TTLL5: variants seen among roughly 807,000 people sequenced by gnomAD.
TTLL5 encodes tubulin polyglutamylase TTLL5.
TTLL5 carries 132 observed loss-of-function variants against 168.4 expected under a neutral mutation model. The ratio of observed to expected loss-of-function variants is 0.78; its 90% confidence interval spans 0.68 to 0.91. The LOEUF (loss-of-function observed/expected upper bound fraction) is 0.91. Among genes scored for constraint, TTLL5 ranks in the 40% least tolerant of loss-of-function variants. TTLL5 has a pLI of 0.00. For missense variants in TTLL5, 1,545 were observed against 1,581.5 expected, an observed-to-expected ratio of 0.98 and a Z score of 0.39; for synonymous variants, 546 against 558.6, an observed-to-expected ratio of 0.98 and a Z score of 0.32.
chr14:75,759,837 A>G (rs945296254), intron 18 of TTLL5, among the ~76,000 whole-genome samples: 44 of 152,086 alleles, frequency 2.9e-4, no homozygotes, highest in African/African-American at 1.0e-3. Flanking sequence ...TTATGAGAAA[A>G]ACTCAGCAAA....
intron 27 of TTLL5, among the ~76,000 whole-genome samples, chr14:75,799,291 A>G (rs73311438): frequency 0.015 from 2,299 of 152,170 alleles, 57 homozygotes; most frequent in African/African-American, 0.052. Context: ...AAGAATAGCT[A>G]CTTCTGCTCA....
At chr14:75,723,752 A>C (rs1485492512) in intron 12 of TTLL5, among the ~76,000 whole-genome samples, 1 of 152,158 alleles carries the variant, frequency 6.6e-6, no homozygotes, top group Non-Finnish European at 1.5e-5. Context: ...AGTCCATTTC[A>C]TCAGCCATGG....
intron 24 of TTLL5, among the ~76,000 whole-genome samples, chr14:75,781,212 C>T (rs1318963988): frequency 6.6e-6 from 1 of 152,102 alleles, no homozygotes; most frequent in Non-Finnish European, 1.5e-5. Context: ...ACTGATAGGT[C>T]ATTCAAAATT....
intron 31 of TTLL5, among the ~76,000 whole-genome samples, chr14:75,943,649 G>GGT (rs1239271218): frequency 6.6e-6 from 1 of 152,084 alleles, no homozygotes; most frequent in Non-Finnish European, 1.5e-5. Flanking sequence ...AATTCCCACA[G>GGT]GTAAAGTTTT....
chr14:75,820,768 A>G lies in TTLL5; in HGVS notation c.3326+607A>G, dbSNP rs868239124. 15 of 153,006 alleles carry G rather than the reference A, an allele frequency of 9.8e-5. No homozygotes were observed. The Middle Eastern group carries it at 5.8e-3, about 59-fold the overall frequency. The allele number at this position is 153,006 out of a possible 1,614,324, so 9.5% of individuals were successfully genotyped here. ...ATTAAAAAAGAAACCACTGTATTGAATTCTGGTCTTGCTGTGTGTTTTAAT... is the reference window on the plus strand; with the variant it reads ...ATTAAAAAAGAAACCACTGTATTGAGTTCTGGTCTTGCTGTGTGTTTTAAT... On this transcript the variant is annotated intron_variant, in intron 28 of 31. Coordinates refer to ENST00000298832, the MANE Select transcript of TTLL5 (RefSeq NM_015072.5).
intron 6 of TTLL5, among the ~76,000 whole-genome samples, chr14:75,692,353 A>T (rs942327815): frequency 6.6e-6 from 1 of 152,076 alleles, no homozygotes; most frequent in Non-Finnish European, 1.5e-5. Context: ...ATGTTTTACT[A>T]TTTTATTTTT....
intron 9 of TTLL5, chr14:75,712,224 G>A (rs1887131757): frequency 6.6e-6 from 1 of 151,946 alleles, no homozygotes; most frequent in Non-Finnish European, 1.5e-5. Flanking sequence ...GTCAGGCCAG[G>A]ATGAAACCCA....
chr14:75,835,621 G>A (rs971913100), intron 28 of TTLL5: 3 of 152,080 alleles, frequency 2.0e-5, no homozygotes, highest in Non-Finnish European at 4.4e-5. Flanking sequence ...ACCCACAGAA[G>A]GGAGAAAATA....
intron 27 of TTLL5, among the ~76,000 whole-genome samples, chr14:75,807,495 G>T (rs1455188540): frequency 2.0e-5 from 3 of 152,212 alleles, no homozygotes; most frequent in Admixed American, 2.0e-4. Flanking sequence ...TTAAGCAGTT[G>T]ACATTAATCA....
At chr14:75,885,405 T>C (rs2032060890) in intron 30 of TTLL5, among the ~76,000 whole-genome samples, 1 of 151,556 alleles carries the variant, frequency 6.6e-6, no homozygotes, top group Admixed American at 6.6e-5. Context: ...GGCAGGAGAA[T>C]AGTGTGAACC....
chr14:75,950,726 G>C (rs1343225514), intron 31 of TTLL5, among the ~76,000 whole-genome samples: 1 of 152,010 alleles, frequency 6.6e-6, no homozygotes, highest in Non-Finnish European at 1.5e-5. Context: ...CCAGCACTTT[G>C]GGTGGCCAAG....
intron 27 of TTLL5, among the ~76,000 whole-genome samples, chr14:75,815,333 C>T (rs1010066382): frequency 2.0e-5 from 3 of 152,146 alleles, no homozygotes; most frequent in Non-Finnish European, 4.4e-5. Context: ...CTTGTATAGT[C>T]TCTCATTTAA....
intron 26 of TTLL5, among the ~76,000 whole-genome samples, chr14:75,788,334 AT>A (rs1566604864): frequency 6.6e-6 from 1 of 152,126 alleles, no homozygotes; most frequent in Non-Finnish European, 1.5e-5. Flanking sequence ...GCCAAAAGTG[AT>A]TTTTTGAAAA....
intron 28 of TTLL5, among the ~76,000 whole-genome samples, chr14:75,831,625 A>G (rs1489236735): frequency 2.0e-5 from 3 of 152,266 alleles, no homozygotes; most frequent in East Asian, 3.9e-4. Context: ...ACTAGCTCCC[A>G]GGGAAGCCGT....
rs560132395 is a variant in TTLL5 at position 75,936,452 on chromosome 14, C to G, written c.3824-17972C>G. The stretch of plus-strand genomic sequence containing the variant: ...CTGCTTCACGTCTTTCCATCCGTCT[C>G]TCTTCCTCGCTTTGTATTTCTCATC... On this transcript the variant is annotated intron_variant, in intron 31 of 31. Transcript: ENST00000298832. Among the ~76,000 whole-genome samples, 20 of 152,310 alleles carry G rather than the reference C, an allele frequency of 1.3e-4. 1 individual carries two copies. The South Asian group carries it at 3.7e-3, about 28-fold the overall frequency.
chr14:75,907,435 AC>A (rs1430947622), intron 31 of TTLL5, among the ~76,000 whole-genome samples: 2 of 152,138 alleles, frequency 1.3e-5, no homozygotes, highest in Non-Finnish European at 2.9e-5. Flanking sequence ...TCTGCCCTAC[AC>A]ACTGATGCAT....
At chr14:75,763,992 G>T (rs948294283) in intron 18 of TTLL5, among the ~76,000 whole-genome samples, 1 of 152,114 alleles carries the variant, frequency 6.6e-6, no homozygotes, top group African/African-American at 2.4e-5. Context: ...TTAAAGGAGG[G>T]TGGGTGCCTT....
intron 31 of TTLL5, among the ~76,000 whole-genome samples, chr14:75,931,635 C>CA (rs2034280054): frequency 6.6e-6 from 1 of 152,178 alleles, no homozygotes; most frequent in Non-Finnish European, 1.5e-5. Context: ...AAAAAGTCTT[C>CA]AGAAGCTCCC....
Position 75,720,486 on chromosome 14 carries a change from C to CT in TTLL5, c.935-104dup. The CT allele has an allele frequency of 8.6e-6, 7 of 818,552 alleles. 2 individuals are homozygous for CT. The highest frequency in any genetic ancestry group is 4.8e-4 in the Middle Eastern group (2 of 4,166). The allele number at this position is 818,552 out of a possible 1,614,324, so 50.7% of individuals were successfully genotyped here. A position where few individuals can be genotyped will look rare whatever the true frequency, so the allele number is the denominator to read the frequency against. ...CATTCAGAAGTCTGCCATATAGAGGCTTTTTTGAATGAGCACACATGCTTT... is the reference window on the plus strand; with the variant it reads ...CATTCAGAAGTCTGCCATATAGAGGCTTTTTTTGAATGAGCACACATGCTTT... On this transcript the variant is annotated intron_variant, in intron 11 of 31. Transcript: ENST00000298832.
Sources: allele counts gnomAD v4.1 joint callset (sites outside exome capture counted in the v4.1 genomes callset), GRCh38; gene constraint gnomAD v4.1.1; transcripts MANE v1.5; gene names NCBI Gene and HGNC (gene_info 2026-07-23, HGNC 2026-07-21).